MBD5: variants seen among roughly 807,000 people sequenced by gnomAD.
MBD5 encodes methyl-CpG binding domain protein 5.
In MBD5, 13 loss-of-function variants were observed where a neutral mutation model predicts 117.3. The ratio of observed to expected loss-of-function variants is 0.11; its 90% CI spans 0.07 to 0.18. MBD5 has a LOEUF of 0.18. Among genes scored for constraint, MBD5 ranks in the 10% least tolerant of loss-of-function variants. The probability of loss-of-function intolerance (pLI) is 1.00; values close to 1 mark genes in which losing one functional copy is unlikely to be tolerated. For missense variants in MBD5, 1,879 were observed against 2,093.8 expected (o/e 0.90, Z 2.00); for synonymous variants, 727 against 766.4 (o/e 0.95, Z 0.85).
At chr2:148,345,581 ATGT>A (rs1474808943) in intron 4 of MBD5, among the ~76,000 whole-genome samples, 2 of 75,896 alleles carry the variant, frequency 2.6e-5, no homozygotes, top group African/African-American at 1.1e-4. Context: ...ACACATACAT[ATGT>A]ATATACACGT....
intron 2 of MBD5, among the ~76,000 whole-genome samples, chr2:148,227,370 A>T (rs1424534479): frequency 6.6e-6 from 1 of 152,178 alleles, no homozygotes; most frequent in African/African-American, 2.4e-5. Flanking sequence ...TTAAATAGGG[A>T]ATCCTTTCCC....
At chr2:148,312,441 C>T (rs746623970) in intron 3 of MBD5, among the ~76,000 whole-genome samples, 11 of 152,036 alleles carry the variant, frequency 7.2e-5, no homozygotes, top group East Asian at 3.9e-4. Flanking sequence ...TTGATCGATT[C>T]GGCTATTGAT....
At chr2:148,241,028 A>G (rs1700205714) in intron 3 of MBD5, among the ~76,000 whole-genome samples, 1 of 151,944 alleles carries the variant, frequency 6.6e-6, no homozygotes, top group Non-Finnish European at 1.5e-5. Flanking sequence ...GCCATAAGGT[A>G]CATGTATGAA....
intron 2 of MBD5, among the ~76,000 whole-genome samples, chr2:148,213,483 C>A (rs1319402007): frequency 2.0e-5 from 3 of 152,064 alleles, no homozygotes; most frequent in Non-Finnish European, 2.9e-5. Context: ...CTATAAAAGT[C>A]AGATGATACT....
intron 4 of MBD5, among the ~76,000 whole-genome samples, chr2:148,382,497 A>T (rs1704184036): frequency 6.6e-6 from 1 of 152,136 alleles, no homozygotes; most frequent in Non-Finnish European, 1.5e-5. Context: ...CTCCCACACA[A>T]TAATAATGGG....
chr2:148,488,722 A>G (rs1681418497), intron 10 of MBD5, among the ~76,000 whole-genome samples: 1 of 151,822 alleles, frequency 6.6e-6, no homozygotes, highest in South Asian at 2.1e-4. Flanking sequence ...TCCTTCCTAT[A>G]CTGGAATTCT....
intron 4 of MBD5, among the ~76,000 whole-genome samples, chr2:148,380,569 A>G (rs924920768): frequency 1.3e-5 from 2 of 152,234 alleles, no homozygotes; most frequent in Non-Finnish European, 2.9e-5. Context: ...TAAAATTTAT[A>G]TATATATAGT....
intron 1 of MBD5, among the ~76,000 whole-genome samples, chr2:148,129,512 T>G (rs942959246): frequency 2.6e-5 from 4 of 151,774 alleles, no homozygotes; most frequent in African/African-American, 7.3e-5. Flanking sequence ...AAAAAAGAAA[T>G]AAATAAAATA....
chr2:148,173,198 G>T (rs1698304683), intron 1 of MBD5, among the ~76,000 whole-genome samples: 1 of 152,152 alleles, frequency 6.6e-6, no homozygotes, highest in Admixed American at 6.5e-5. Flanking sequence ...CCAAACCAGG[G>T]GGCTCCTTGA....
At chr2:148,132,546 G>C (rs1361376416) in intron 1 of MBD5, among the ~76,000 whole-genome samples, 1 of 151,900 alleles carries the variant, frequency 6.6e-6, no homozygotes, top group African/African-American at 2.4e-5. Context: ...GCTTAAAAAG[G>C]AATCCTCATA....
At position 148,043,269 on chromosome 2, in the gene MBD5, C is replaced by CA. The variant is rs562084533; in HGVS notation, c.-925+21595dup. The stretch of plus-strand genomic sequence containing the variant: ...TGAAACCCTCTCTCTACTAAAAATA[C>CA]AAAAAAAAAATAAAAAAATAAATAA... On this transcript the variant is annotated intron_variant, in intron 1 of 13. Transcript: ENST00000642680. 2.6e-3 allele frequency among the ~76,000 whole-genome samples: 375 copies of CA among 142,856 alleles called. 1 individual carries two copies. The highest frequency in any genetic ancestry group is 8.7e-3 in the South Asian group (39 of 4,506). 93.7% of individuals were successfully genotyped at this position (142,856 alleles called of 152,430 possible).
intron 1 of MBD5, among the ~76,000 whole-genome samples, chr2:148,165,386 G>T (rs1301538574): frequency 6.6e-6 from 1 of 151,874 alleles, no homozygotes; most frequent in Non-Finnish European, 1.5e-5. Context: ...CAATAAAAAG[G>T]ACAATTTCTC....
intron 8 of MBD5, among the ~76,000 whole-genome samples, chr2:148,474,842 A>G (rs185886161): frequency 1.3e-5 from 2 of 152,188 alleles, no homozygotes; most frequent in African/African-American, 4.8e-5. Flanking sequence ...CCACAAAAGA[A>G]CACTTTGGGT....
intron 3 of MBD5, among the ~76,000 whole-genome samples, chr2:148,263,685 A>G (rs986116706): frequency 1.3e-5 from 2 of 152,212 alleles, no homozygotes; most frequent in African/African-American, 2.4e-5. Context: ...ATCCTGGGAC[A>G]GCTGCCCTGC....
intron 1 of MBD5, among the ~76,000 whole-genome samples, chr2:148,161,397 G>T (rs1008497431): frequency 6.6e-6 from 1 of 152,192 alleles, no homozygotes; most frequent in African/African-American, 2.4e-5. Context: ...GCATCTTTAT[G>T]CTGAGGACTA....
At chr2:148,422,029 C>T (rs1705624382) in intron 4 of MBD5, among the ~76,000 whole-genome samples, 1 of 152,196 alleles carries the variant, frequency 6.6e-6, no homozygotes, top group Non-Finnish European at 1.5e-5. Context: ...AATGTCCCTG[C>T]CTGACAGCTC....
intron 1 of MBD5, among the ~76,000 whole-genome samples, chr2:148,030,320 A>G (rs1694003589): frequency 6.6e-6 from 1 of 152,162 alleles, no homozygotes; most frequent in Non-Finnish European, 1.5e-5. Context: ...GTATCTGAAG[A>G]TAAGAATGAA....
chr2:148,318,399 T>C (rs1702204864), intron 3 of MBD5, among the ~76,000 whole-genome samples: 1 of 152,118 alleles, frequency 6.6e-6, no homozygotes, highest in Non-Finnish European at 1.5e-5. Flanking sequence ...TTTTTTCCCA[T>C]TCTATAGATT....
intron 4 of MBD5, among the ~76,000 whole-genome samples, chr2:148,415,865 A>G (rs1030084906): frequency 2.6e-5 from 4 of 151,994 alleles, no homozygotes; most frequent in Non-Finnish European, 5.9e-5. Flanking sequence ...CTCTTCTATC[A>G]TTTTATTTAA....
Sources: allele counts gnomAD v4.1 joint callset (sites outside exome capture counted in the v4.1 genomes callset), GRCh38; gene constraint gnomAD v4.1.1; transcripts MANE v1.5; gene names NCBI Gene and HGNC (gene_info 2026-07-23, HGNC 2026-07-21).